CNOT2: variants seen among roughly 807,000 people sequenced by gnomAD.
CNOT2 encodes CCR4-NOT transcription complex subunit 2.
A neutral mutation model predicts 72.1 loss-of-function variants in CNOT2; 7 were observed. The ratio of observed to expected loss-of-function variants is 0.10; its 90% CI spans 0.06 to 0.18. The LOEUF (loss-of-function observed/expected upper bound fraction) is 0.18, where lower values mean the gene tolerates loss of function less well. Ranked by LOEUF, CNOT2 falls within the 10% of genes least tolerant of loss-of-function variation. CNOT2 has a pLI of 1.00. For synonymous variants in CNOT2, 196 were observed against 225.6 expected, an observed-to-expected ratio of 0.87 and a Z score of 1.17; for missense variants, 345 against 660.3, an observed-to-expected ratio of 0.52 and a Z score of 5.23.
At chr12:70,251,746 CTT>C (rs751482591) in intron 1 of CNOT2, among the ~76,000 whole-genome samples, 2 of 152,120 alleles carry the variant, frequency 1.3e-5, no homozygotes, top group African/African-American at 2.4e-5. Flanking sequence ...AACTGTATGA[CTT>C]TGAAACTCTG....
At chr12:70,302,569 T>C (rs1211643692) in intron 2 of CNOT2, among the ~76,000 whole-genome samples, 1 of 152,250 alleles carries the variant, frequency 6.6e-6, no homozygotes, top group Non-Finnish European at 1.5e-5. Flanking sequence ...GATTGCACTG[T>C]GGTCTGAGAG....
chr12:70,309,271 A>C (rs1876034388), intron 2 of CNOT2, among the ~76,000 whole-genome samples: 1 of 152,184 alleles, frequency 6.6e-6, no homozygotes, highest in Non-Finnish European at 1.5e-5. Context: ...ACCCTTAAAA[A>C]ATATCTTTGT....
At chr12:70,342,520 A>C (rs1044952691) in intron 13 of CNOT2, 4 of 550,138 alleles carry the variant, frequency 7.3e-6, no homozygotes, top group Non-Finnish European at 1.3e-5. Context: ...CCATAACCGC[A>C]GTTGATGAGA....
At chr12:70,254,075 A>G (rs1254283910) in intron 1 of CNOT2, among the ~76,000 whole-genome samples, 1 of 151,834 alleles carries the variant, frequency 6.6e-6, no homozygotes, top group Non-Finnish European at 1.5e-5. Context: ...CGCCTCTACT[A>G]AAAAATACAA....
At chr12:70,255,132 A>C (rs779814467) in intron 1 of CNOT2, among the ~76,000 whole-genome samples, 1 of 151,820 alleles carries the variant, frequency 6.6e-6, no homozygotes, top group Admixed American at 6.6e-5. Flanking sequence ...TTGCATGCTG[A>C]GGTCCTGATG....
At chr12:70,308,557 C>CTT (rs199637746) in intron 2 of CNOT2, among the ~76,000 whole-genome samples, 10,502 of 77,720 alleles carry the variant, frequency 0.14, 411 homozygotes, top group Admixed American at 0.22. Context: ...GGTATATTTT[C>CTT]TCTCTCTCTC....
chr12:70,254,370 T>C (rs11178160), intron 1 of CNOT2, among the ~76,000 whole-genome samples: 6,876 of 152,186 alleles, frequency 0.045, 666 homozygotes, highest in East Asian at 0.44. Context: ...CTAATGTGAA[T>C]AAGGGGTGGG....
At chr12:70,257,716 A>G (rs1367265302) in intron 1 of CNOT2, among the ~76,000 whole-genome samples, 1 of 152,038 alleles carries the variant, frequency 6.6e-6, no homozygotes, top group African/African-American at 2.4e-5. Context: ...ATCTATTGTA[A>G]TTAGCTATTA....
chr12:70,302,390 T>C (rs1320097261), intron 2 of CNOT2, among the ~76,000 whole-genome samples: 13 of 151,662 alleles, frequency 8.6e-5, no homozygotes, highest in African/African-American at 2.2e-4. Flanking sequence ...GCTTTGAATG[T>C]GTCCCAGAGA....
chr12:70,349,840 A>G (rs1025886787), intron 15 of CNOT2, among the ~76,000 whole-genome samples: 3 of 151,192 alleles, frequency 2.0e-5, no homozygotes, highest in Non-Finnish European at 4.4e-5. Flanking sequence ...TCTCTATAGA[A>G]AGAGAGAGAG....
chr12:70,337,033 G>T, intron 8 of CNOT2: 1 of 164,226 alleles, frequency 6.1e-6, no homozygotes, highest in East Asian at 1.7e-4. Flanking sequence ...TTGTTCATTT[G>T]TATTTGAGAG....
chr12:70,340,130 T>C (rs1049612931), intron 11 of CNOT2, among the ~76,000 whole-genome samples: 1 of 152,198 alleles, frequency 6.6e-6, no homozygotes, highest in Non-Finnish European at 1.5e-5. Flanking sequence ...TCCCATTCTC[T>C]GGTAAGCCCA....
Position 70,354,507 on chromosome 12 carries a change from G to A in CNOT2, c.*592G>A, listed in dbSNP as rs1343198571. The A allele has an allele frequency of 6.6e-6, 1 of 152,596 alleles. No individual in the cohort carries two copies. Among genetic ancestry groups the A allele is most frequent in the Non-Finnish European group, 1.5e-5 (1 of 68,054 alleles). The allele number at this position is 152,596 out of a possible 1,614,324, so 9.5% of individuals were successfully genotyped here. A position where few individuals can be genotyped will look rare whatever the true frequency, so the allele number is the denominator to read the frequency against. ...AAGATATTGCCACAATCTCTGGATG[G>A]TTTTCCAGGGTTGTGTTATTACTGA... On this transcript the variant is annotated 3_prime_UTR_variant, in exon 16 of 16. Coordinates refer to ENST00000229195, the MANE Select transcript of CNOT2 (RefSeq NM_014515.7).
intron 7 of CNOT2, chr12:70,334,907 C>T (rs749691098): frequency 2.2e-4 from 33 of 153,364 alleles, no homozygotes; most frequent in South Asian, 6.2e-4. Context: ...CACATGCGCA[C>T]GCACACACGT....
chr12:70,348,234 T>C (rs1882447047), intron 15 of CNOT2, among the ~76,000 whole-genome samples: 1 of 152,182 alleles, frequency 6.6e-6, no homozygotes. Flanking sequence ...GATGAAAAAA[T>C]TAGAGCTGAT....
intron 1 of CNOT2, among the ~76,000 whole-genome samples, chr12:70,252,292 T>C (rs1958178008): frequency 6.6e-6 from 1 of 152,100 alleles, no homozygotes; most frequent in Admixed American, 6.5e-5. Context: ...GCTTAATCAA[T>C]CCTCCCACCT....
At chr12:70,332,529 T>C in intron 6 of CNOT2, 1 of 472,746 alleles carries the variant, frequency 2.1e-6, no homozygotes, top group Non-Finnish European at 3.1e-6. Context: ...ATATAAATTT[T>C]TGAGTTTTTG....
chr12:70,291,397 C>T (rs1871876110), intron 2 of CNOT2, among the ~76,000 whole-genome samples: 2 of 152,156 alleles, frequency 1.3e-5, no homozygotes, highest in African/African-American at 4.8e-5. Flanking sequence ...AATTTTACAC[C>T]TATTCTTTTC....
chr12:70,305,694 T>C (rs968030424), intron 2 of CNOT2, among the ~76,000 whole-genome samples: 3 of 152,080 alleles, frequency 2.0e-5, no homozygotes, highest in Non-Finnish European at 2.9e-5. Context: ...GGTTCTAAGA[T>C]AGTTAGTGCT....
Sources: gnomAD v4.1 joint callset for allele counts (sites outside exome capture counted in the v4.1 genomes callset) on GRCh38, gnomAD v4.1.1 for gene constraint, MANE v1.5 for transcripts, NCBI Gene and HGNC (gene_info 2026-07-23, HGNC 2026-07-21) for gene names.